RBMS2: variants seen among roughly 807,000 people sequenced by gnomAD.
RBMS2 encodes RNA-binding motif, single-stranded-interacting protein 2.
In RBMS2, 38 loss-of-function variants were observed where a neutral mutation model predicts 58.4. The ratio of observed to expected loss-of-function variants is 0.65; its 90% CI spans 0.50 to 0.85. RBMS2 has a LOEUF of 0.85. Among genes scored for constraint, RBMS2 ranks in the 40% least tolerant of loss-of-function variants. The probability of loss-of-function intolerance (pLI) is 0.00; values close to 1 mark genes in which losing one functional copy is unlikely to be tolerated. For missense variants in RBMS2, 367 were observed against 503.7 expected, an observed-to-expected ratio of 0.73 and a Z score of 2.60; for synonymous variants, 151 against 180.7, an observed-to-expected ratio of 0.84 and a Z score of 1.32.
At chr12:56,562,034 T>G (rs1880523374) in intron 1 of RBMS2, among the ~76,000 whole-genome samples, 3 of 151,678 alleles carry the variant, frequency 2.0e-5, no homozygotes, top group Non-Finnish European at 2.9e-5. Context: ...GGTCTCGATC[T>G]CCTGACCTCA....
chr12:56,581,199 G>A lies in RBMS2; in HGVS notation c.558G>A (p.Glu186=), dbSNP rs1883895718. 11 of 1,603,564 alleles carry A rather than the reference G, an allele frequency of 6.9e-6. No individual in the cohort carries two copies. Among genetic ancestry groups the A allele is most frequent in the Non-Finnish European group, 8.5e-6 (10 of 1,170,668 alleles). The change falls in exon 6 of 14, where the codon GAG becomes GAA. Residue 186 remains glutamate (E), a synonymous_variant. Coordinates refer to ENST00000262031, the MANE Select transcript of RBMS2 (RefSeq NM_002898.4). ...TGCTCCTTAGGATGGAGTCCACAGA[G>A]AAGTGTGAAGCCATCATCACCCACT... ...GVGFARMEST[E]KCEAIITHFN...
intron 1 of RBMS2, 125 bp from the exon 2 acceptor site, chr12:56,562,292 C>A: frequency 1.1e-6 from 1 of 888,512 alleles, no homozygotes; most frequent in Non-Finnish European, 1.7e-6. Context: ...TATGTGTGTC[C>A]AAGTGAGTGC....
intron 1 of RBMS2, among the ~76,000 whole-genome samples, chr12:56,555,855 G>T (rs560969039): frequency 6.6e-6 from 1 of 151,388 alleles, no homozygotes; most frequent in Non-Finnish European, 1.5e-5. Flanking sequence ...CTCCCAAAAT[G>T]CTGGGATTAC....
chr12:56,554,651 G>A (rs765641072), intron 1 of RBMS2, among the ~76,000 whole-genome samples: 2 of 152,158 alleles, frequency 1.3e-5, no homozygotes, highest in Admixed American at 6.6e-5. Flanking sequence ...GTACCTAGGT[G>A]ATGGGTTGAT....
chr12:56,537,048 G>C (rs1234047780), intron 1 of RBMS2, among the ~76,000 whole-genome samples: 3 of 151,508 alleles, frequency 2.0e-5, no homozygotes, highest in Non-Finnish European at 2.9e-5. Context: ...AGCCTCCCAA[G>C]TAGCTGGGAT....
chr12:56,548,541 A>G (rs180894716), intron 1 of RBMS2, among the ~76,000 whole-genome samples: 31 of 152,268 alleles, frequency 2.0e-4, no homozygotes, highest in Admixed American at 2.0e-3. Flanking sequence ...CTTCTCAGAG[A>G]AAGTGGACTT....
intron 9 of RBMS2, among the ~76,000 whole-genome samples, chr12:56,585,952 G>A (rs757834161): frequency 4.6e-5 from 7 of 152,312 alleles, no homozygotes; most frequent in South Asian, 2.1e-4. Context: ...GGAGGCTGAG[G>A]TGGGCGGATC....
chr12:56,568,940 C>G (rs776900194), intron 2 of RBMS2, 35 bp from the exon 3 acceptor site: 1 of 1,547,290 alleles, frequency 6.5e-7, no homozygotes, highest in Non-Finnish European at 8.9e-7. Flanking sequence ...GTCTCTGCCC[C>G]CCAGATTATT....
chr12:56,589,162 G>A lies in RBMS2; in HGVS notation c.*29G>A, dbSNP rs141969384. ...TAGGATTCCCCTCCCCATCTTTACT[G>A]AATAGAAATGAATTCTTGGAGATAC... is the stretch of plus-strand genomic sequence containing the variant. On this transcript the variant is annotated 3_prime_UTR_variant, in exon 14 of 14. Coordinates refer to ENST00000262031, the MANE Select transcript of RBMS2 (RefSeq NM_002898.4). The A allele has an allele frequency of 1.4e-4, 214 of 1,542,544 alleles. 2 individuals are homozygous for A. The East Asian group carries it at 5.2e-3, about 38-fold the overall frequency.
intron 5 of RBMS2, among the ~76,000 whole-genome samples, chr12:56,572,486 C>T (rs1264200373): frequency 1.3e-5 from 2 of 151,976 alleles, no homozygotes. Context: ...CCACCACACT[C>T]GGCTAAGCTC....
chr12:56,574,349 A>G (rs1251258472), intron 5 of RBMS2, among the ~76,000 whole-genome samples: 1 of 152,236 alleles, frequency 6.6e-6, no homozygotes, highest in Non-Finnish European at 1.5e-5. Flanking sequence ...AAAATTTGGT[A>G]TCAGAATGGA....
At chr12:56,544,531 A>G (rs1876773016) in intron 1 of RBMS2, among the ~76,000 whole-genome samples, 2 of 152,200 alleles carry the variant, frequency 1.3e-5, no homozygotes, top group South Asian at 4.2e-4. Flanking sequence ...ACGTCTGGTA[A>G]CCTAACGTCT....
chr12:56,582,818 G>A (rs560414661), intron 9 of RBMS2, among the ~76,000 whole-genome samples: 4 of 152,250 alleles, frequency 2.6e-5, no homozygotes, highest in East Asian at 1.9e-4. Flanking sequence ...ACAGGCATGC[G>A]CCACCACGCC....
intron 1 of RBMS2, among the ~76,000 whole-genome samples, chr12:56,535,095 G>C (rs904186305): frequency 6.6e-6 from 1 of 151,858 alleles, no homozygotes; most frequent in African/African-American, 2.4e-5. Flanking sequence ...TCTTTTTCTG[G>C]TTCCTTTCCT....
rs1592537310 is a variant in RBMS2 at position 56,595,869 on chromosome 12, C to T, written c.*6736C>T. 2 of 138,322 alleles carry T rather than the reference C, an allele frequency of 1.4e-5. No homozygotes were observed. The highest frequency in any genetic ancestry group is 4.4e-4 in the South Asian group (2 of 4,556). The allele number at this position is 138,322 out of a possible 1,614,324, so 8.6% of individuals were successfully genotyped here. A position where few individuals can be genotyped will look rare whatever the true frequency, so the allele number is the denominator to read the frequency against. On this transcript the variant is annotated 3_prime_UTR_variant, in exon 14 of 14. Transcript: ENST00000262031. ...GGTCTCTTAAGCCAGTCATACCTATCCCAACGCCGTCTCCCCCTCAGGTGT... is the reference window on the plus strand; with the variant it reads ...GGTCTCTTAAGCCAGTCATACCTATTCCAACGCCGTCTCCCCCTCAGGTGT...
intron 1 of RBMS2, among the ~76,000 whole-genome samples, chr12:56,540,341 T>G (rs1251512550): frequency 6.6e-6 from 1 of 152,130 alleles, no homozygotes; most frequent in East Asian, 1.9e-4. Context: ...ATGTATGTAT[T>G]TATGTATTTA....
At chr12:56,537,797 C>T (rs1303828574) in intron 1 of RBMS2, among the ~76,000 whole-genome samples, 2 of 150,648 alleles carry the variant, frequency 1.3e-5, no homozygotes, top group African/African-American at 2.4e-5. Flanking sequence ...TTCAACACTG[C>T]ACAAGGGTTC....
At chr12:56,521,301 T>G (rs570581507), upstream of RBMS2, among the ~76,000 whole-genome samples, 550 of 151,766 alleles carry the variant, frequency 3.6e-3, 7 homozygotes, top group Non-Finnish European at 4.0e-3. Context: ...GTGGTGGTGG[T>G]CACCTGTAAT....
intron 12 of RBMS2, 92 bp from the exon 13 acceptor site, chr12:56,588,840 C>A: frequency 1.7e-6 from 2 of 1,204,816 alleles, no homozygotes; most frequent in Non-Finnish European, 2.4e-6. Context: ...TTTGGGAGGG[C>A]ACTCGATGTA....
Sources: gnomAD v4.1 joint callset for allele counts (sites outside exome capture counted in the v4.1 genomes callset) on GRCh38, gnomAD v4.1.1 for gene constraint, MANE v1.5 for transcripts, NCBI Gene and HGNC (gene_info 2026-07-23, HGNC 2026-07-21) for gene names.